Variants in PTPRD observed in about 807,000 individuals in gnomAD.
The protein encoded by PTPRD is receptor-type tyrosine-protein phosphatase delta.
In PTPRD, 34 loss-of-function variants were observed where a neutral mutation model predicts 214.5. That is an observed-to-expected ratio of 0.16 (90% CI 0.12 to 0.21). The LOEUF (loss-of-function observed/expected upper bound fraction) is 0.21. PTPRD is among the 10% of genes least tolerant of loss of function. PTPRD has a pLI of 1.00. For missense variants in PTPRD, 2,545 were observed against 2,398.7 expected (o/e 1.06, Z -1.27); for synonymous variants, 1,128 against 845.7 (o/e 1.33, Z -5.79).
intron 2 of PTPRD, among the ~76,000 whole-genome samples, chr9:10,507,612 T>C (rs1466529924): frequency 2.0e-5 from 3 of 151,774 alleles, no homozygotes; most frequent in Admixed American, 6.6e-5. Context: ...TATAGACCAA[T>C]GGAACGGAAC....
chr9:9,921,235 T>G (rs922006286), intron 5 of PTPRD, among the ~76,000 whole-genome samples: 98 of 152,260 alleles, frequency 6.4e-4, no homozygotes, highest in African/African-American at 2.1e-3. Context: ...AACTCTCATT[T>G]TATAAATATT....
chr9:8,987,902 T>C (rs1398616816), intron 11 of PTPRD, among the ~76,000 whole-genome samples: 1 of 152,032 alleles, frequency 6.6e-6, no homozygotes, highest in Non-Finnish European at 1.5e-5. Context: ...AAGGCAATAG[T>C]TAAAGCTATA....
intron 12 of PTPRD, among the ~76,000 whole-genome samples, chr9:8,677,156 T>C (rs988808124): frequency 6.6e-6 from 1 of 152,172 alleles, no homozygotes; most frequent in African/African-American, 2.4e-5. Flanking sequence ...AGGTTCCACT[T>C]AATAATTTCT....
chr9:8,828,809 C>A (rs1216089425), intron 11 of PTPRD, among the ~76,000 whole-genome samples: 3 of 152,044 alleles, frequency 2.0e-5, no homozygotes, highest in African/African-American at 7.2e-5. Context: ...TTAAATACTC[C>A]CTATAAAATT....
rs147361675 is a variant in PTPRD at position 9,565,563 on chromosome 9, T to C, written c.-237+9169A>G. On this transcript the variant is annotated intron_variant, in intron 8 of 45. Transcript: ENST00000381196. ...TATTTATATTGCAAGACTTTATTAA[T>C]GTATAAAAATGCTTTTAATATTTTT... is the stretch of plus-strand genomic sequence containing the variant. Among the ~76,000 whole-genome samples the C allele has an allele frequency of 1.1e-4, 17 of 151,998 alleles. No homozygotes were observed. In the East Asian group the frequency reaches 3.1e-3, roughly 28 times the overall value.
chr9:9,733,217 T>C (rs1029450985), intron 7 of PTPRD, among the ~76,000 whole-genome samples: 1 of 152,110 alleles, frequency 6.6e-6, no homozygotes, highest in Non-Finnish European at 1.5e-5. Context: ...ATATAAGGAA[T>C]AAGACAGAGA....
intron 3 of PTPRD, among the ~76,000 whole-genome samples, chr9:10,304,740 T>A (rs971000262): frequency 5.3e-5 from 8 of 152,268 alleles, no homozygotes; most frequent in African/African-American, 1.9e-4. Context: ...TATAAGCCAC[T>A]GCTCAAGCAA....
At chr9:9,867,780 TA>T (rs1166538532) in intron 5 of PTPRD, among the ~76,000 whole-genome samples, 1 of 151,958 alleles carries the variant, frequency 6.6e-6, no homozygotes, top group Non-Finnish European at 1.5e-5. Context: ...GCTCAAACAT[TA>T]AAAAGGAACT....
At chr9:9,015,404 C>G (rs942733025) in intron 11 of PTPRD, among the ~76,000 whole-genome samples, 2 of 152,162 alleles carry the variant, frequency 1.3e-5, no homozygotes, top group African/African-American at 4.8e-5. Context: ...TACACTCCCA[C>G]CAGCGCCATG....
intron 8 of PTPRD, among the ~76,000 whole-genome samples, chr9:9,404,284 C>T (rs981070687): frequency 5.3e-5 from 8 of 151,928 alleles, no homozygotes; most frequent in African/African-American, 1.7e-4. Flanking sequence ...AAACTGAAAG[C>T]CAAGGAAGGA....
intron 9 of PTPRD, among the ~76,000 whole-genome samples, chr9:9,354,656 C>G (rs1016220971): frequency 6.6e-6 from 1 of 151,642 alleles, no homozygotes; most frequent in Non-Finnish European, 1.5e-5. Context: ...AGTAAATTAT[C>G]TAATGCATTA....
chr9:8,622,620 T>C (rs1429239132), intron 14 of PTPRD, among the ~76,000 whole-genome samples: 2 of 151,938 alleles, frequency 1.3e-5, no homozygotes, highest in East Asian at 1.9e-4. Context: ...CATCTTTTTA[T>C]TCCCAACACT....
chr9:8,491,780 T>G (rs1591879006), intron 27 of PTPRD, among the ~76,000 whole-genome samples: 2 of 152,068 alleles, frequency 1.3e-5, no homozygotes, highest in East Asian at 1.9e-4. Flanking sequence ...TTATGACATT[T>G]AGACAAAGCT....
At position 9,475,072 on chromosome 9, in the gene PTPRD, C is replaced by A. The variant is rs10115772; in HGVS notation, c.-236-77590G>T. Among the ~76,000 whole-genome samples the A allele has an allele frequency of 9.9e-3, 1,508 of 152,290 alleles. 18 individuals are homozygous for A. Among genetic ancestry groups the A allele is most frequent in the African/African-American group, 0.033 (1,380 of 41,560 alleles). ...CTAGAAGAGTGCACGATCACTCTAA[C>A]TATAGCCAGGGGTGATACATACTAC... On this transcript the variant is annotated intron_variant, in intron 8 of 45. Transcript: ENST00000381196.
chr9:9,486,496 T>TA (rs1276043016), intron 8 of PTPRD, among the ~76,000 whole-genome samples: 28 of 152,318 alleles, frequency 1.8e-4, no homozygotes, highest in African/African-American at 6.5e-4. Flanking sequence ...TTTAGACACA[T>TA]ACACTCTTAT....
chr9:10,517,632 C>T (rs773305608), intron 2 of PTPRD, among the ~76,000 whole-genome samples: 5 of 151,840 alleles, frequency 3.3e-5, no homozygotes, highest in African/African-American at 4.8e-5. Flanking sequence ...GTATCAATAT[C>T]TATAGTTATA....
intron 5 of PTPRD, among the ~76,000 whole-genome samples, chr9:9,813,625 A>G (rs1247664124): frequency 1.3e-5 from 2 of 152,114 alleles, no homozygotes; most frequent in Non-Finnish European, 2.9e-5. Flanking sequence ...TGAAGCACTT[A>G]TGAAAATCTC....
intron 11 of PTPRD, among the ~76,000 whole-genome samples, chr9:8,983,667 C>A (rs866814698): frequency 2.0e-5 from 3 of 148,988 alleles, no homozygotes; most frequent in South Asian, 4.2e-4. Flanking sequence ...CTCCACCATG[C>A]CTGGCTAATT....
intron 3 of PTPRD, among the ~76,000 whole-genome samples, chr9:10,036,210 C>G (rs73390238): frequency 0.024 from 3,686 of 152,188 alleles, 161 homozygotes; most frequent in African/African-American, 0.084. Context: ...TCTACATACA[C>G]TAGTGGAATC....
Sources: allele counts gnomAD v4.1 joint callset (sites outside exome capture counted in the v4.1 genomes callset), GRCh38; gene constraint gnomAD v4.1.1; transcripts MANE v1.5; gene names NCBI Gene and HGNC (gene_info 2026-07-23, HGNC 2026-07-21).